GPC5: variants seen among roughly 807,000 people sequenced by gnomAD.
GPC5 encodes glypican 5.
GPC5 carries 47 observed loss-of-function variants against 53.9 expected under a neutral mutation model. The ratio of observed to expected loss-of-function variants is 0.87; its 90% CI spans 0.69 to 1.11. GPC5 has a LOEUF of 1.11. Among genes scored for constraint, GPC5 ranks in the 50% most tolerant of loss-of-function variants. The pLI, the probability that GPC5 is intolerant of heterozygous loss-of-function variation, is 0.00. For synonymous variants in GPC5, 286 were observed against 263.3 expected (o/e 1.09, Z -0.84); for missense variants, 748 against 713.1 (o/e 1.05, Z -0.56).
intron 2 of GPC5, among the ~76,000 whole-genome samples, chr13:91,525,032 G>A (rs192672886): frequency 1.1e-4 from 16 of 152,216 alleles, no homozygotes; most frequent in South Asian, 6.2e-4. Flanking sequence ...AGCACAGTAC[G>A]TTGAGTGTCA....
chr13:91,512,263 G>T (rs2139335817), intron 2 of GPC5, among the ~76,000 whole-genome samples: 1 of 152,310 alleles, frequency 6.6e-6, no homozygotes, highest in South Asian at 2.1e-4. Flanking sequence ...GTAGTATTTG[G>T]AGAACTTGGA....
In GPC5 at chr13:92,219,732, G is replaced by T. The variant is rs145194710; in HGVS notation, c.1561+74743G>T. 5.7e-3 allele frequency among the ~76,000 whole-genome samples: 869 copies of T among 152,210 alleles called. 12 individuals are homozygous for T. Among genetic ancestry groups the T allele is most frequent in the African/African-American group, 0.02 (839 of 41,542 alleles). ...ACAACCAATCAGATGTTTGCATAGG[G>T]TATAACTTTGTACCTTTGCTTCAGC... is the stretch of plus-strand genomic sequence containing the variant. On this transcript the variant is annotated intron_variant, in intron 7 of 7. Transcript: ENST00000377067.
chr13:92,848,831 C>T (rs1007440881), intron 7 of GPC5, among the ~76,000 whole-genome samples: 1 of 152,136 alleles, frequency 6.6e-6, no homozygotes, highest in African/African-American at 2.4e-5. Flanking sequence ...CTATGCACTG[C>T]ATTATCATAT....
At chr13:91,467,082 T>G (rs1030657045) in intron 2 of GPC5, among the ~76,000 whole-genome samples, 6 of 152,168 alleles carry the variant, frequency 3.9e-5, no homozygotes, top group African/African-American at 1.2e-4. Flanking sequence ...CTGCCAGTAT[T>G]TCATCTAGAG....
intron 7 of GPC5, among the ~76,000 whole-genome samples, chr13:92,632,392 G>A (rs549448115): frequency 4.7e-5 from 7 of 149,028 alleles, no homozygotes; most frequent in Non-Finnish European, 8.9e-5. Flanking sequence ...TCTTCCATAC[G>A]ACTGCAACGT....
At chr13:92,594,286 G>T (rs1224133574) in intron 7 of GPC5, among the ~76,000 whole-genome samples, 2 of 152,144 alleles carry the variant, frequency 1.3e-5, no homozygotes, top group Non-Finnish European at 2.9e-5. Context: ...CTCATTGAAG[G>T]CAGGCACGGG....
At chr13:91,453,006 T>TAA (rs1881291092) in intron 2 of GPC5, among the ~76,000 whole-genome samples, 1 of 150,792 alleles carries the variant, frequency 6.6e-6, no homozygotes, top group East Asian at 1.9e-4. Context: ...GTTATATATA[T>TAA]AACTGGAAAT....
chr13:92,248,342 G>A (rs1257155210), intron 7 of GPC5, among the ~76,000 whole-genome samples: 2 of 152,136 alleles, frequency 1.3e-5, no homozygotes, highest in Non-Finnish European at 1.5e-5. Context: ...ATGTGTGAAA[G>A]TTCAGATGTG....
chr13:92,577,562 C>T (rs1883229980), intron 7 of GPC5, among the ~76,000 whole-genome samples: 1 of 151,912 alleles, frequency 6.6e-6, no homozygotes, highest in South Asian at 2.1e-4. Context: ...TTCCAAAATC[C>T]ATGTGGTTTA....
At chr13:92,266,179 C>T (rs1186937251) in intron 7 of GPC5, among the ~76,000 whole-genome samples, 1 of 152,116 alleles carries the variant, frequency 6.6e-6, no homozygotes, top group African/African-American at 2.4e-5. Flanking sequence ...TAACTGGGTT[C>T]TTCTCACCCC....
chr13:92,620,967 A>T (rs1441807251), intron 7 of GPC5, among the ~76,000 whole-genome samples: 1 of 152,216 alleles, frequency 6.6e-6, no homozygotes, highest in Non-Finnish European at 1.5e-5. Flanking sequence ...TAAATATTCC[A>T]ATCCAGTCTT....
chr13:92,657,108 T>C (rs1886162868), intron 7 of GPC5, among the ~76,000 whole-genome samples: 1 of 152,262 alleles, frequency 6.6e-6, no homozygotes, highest in Admixed American at 6.5e-5. Context: ...GAATAGTCTT[T>C]GCTCTCATTA....
At chr13:92,281,444 GCCT>G (rs2042914959) in intron 7 of GPC5, among the ~76,000 whole-genome samples, 1 of 152,220 alleles carries the variant, frequency 6.6e-6, no homozygotes, top group Non-Finnish European at 1.5e-5. Flanking sequence ...CAGACAGACT[GCCT>G]CCTCAAGTGG....
intron 2 of GPC5, among the ~76,000 whole-genome samples, chr13:91,518,195 C>T (rs565968350): frequency 1.3e-5 from 2 of 152,248 alleles, no homozygotes; most frequent in East Asian, 3.9e-4. Flanking sequence ...TATCAAGTAG[C>T]ATGTATAAGA....
intron 7 of GPC5, among the ~76,000 whole-genome samples, chr13:92,535,906 C>T (rs1481451597): frequency 5.9e-5 from 9 of 152,036 alleles, no homozygotes; most frequent in Non-Finnish European, 1.0e-4. Flanking sequence ...CATTGATAAT[C>T]ATGATTATCT....
intron 2 of GPC5, among the ~76,000 whole-genome samples, chr13:91,644,360 T>C (rs1327618433): frequency 6.6e-6 from 1 of 152,194 alleles, no homozygotes; most frequent in Admixed American, 6.5e-5. Context: ...GTGTTCTGAC[T>C]CCTGAATCTG....
At chr13:91,771,185 A>G (rs1020403794) in intron 5 of GPC5, among the ~76,000 whole-genome samples, 8 of 152,230 alleles carry the variant, frequency 5.3e-5, no homozygotes, top group Non-Finnish European at 1.0e-4. Context: ...AATTTACAGA[A>G]CATAACAGTG....
In GPC5 at chr13:92,862,658, T is replaced by C. The variant is rs1264460494; in HGVS notation, c.1562-3624T>C. Reference sequence around the variant, plus strand: ...ATAGATAGATAGATAGATAGATAGATAGATAGATAGATTTGACTCGTCTAA... The same window carrying C: ...ATAGATAGATAGATAGATAGATAGACAGATAGATAGATTTGACTCGTCTAA... On this transcript the variant is annotated intron_variant, in intron 7 of 7. Coordinates refer to ENST00000377067, the MANE Select transcript of GPC5 (RefSeq NM_004466.6). Among the ~76,000 whole-genome samples, 5 of 151,862 alleles carry C rather than the reference T, an allele frequency of 3.3e-5. No individual in the cohort carries two copies. In the South Asian group the frequency reaches 8.3e-4, roughly 25 times the overall value.
chr13:92,821,389 T>C (rs1877667241), intron 7 of GPC5, among the ~76,000 whole-genome samples: 2 of 152,172 alleles, frequency 1.3e-5, no homozygotes, highest in African/African-American at 2.4e-5. Flanking sequence ...ATCATGTGTA[T>C]ACTTCGCAAG....
Sources: gnomAD v4.1 joint callset for allele counts (sites outside exome capture counted in the v4.1 genomes callset) on GRCh38, gnomAD v4.1.1 for gene constraint, MANE v1.5 for transcripts, NCBI Gene and HGNC (gene_info 2026-07-23, HGNC 2026-07-21) for gene names.